VPS13C: variants seen among roughly 807,000 people sequenced by gnomAD.
VPS13C encodes vacuolar protein sorting 13 homolog C, also known as intermembrane lipid transfer protein VPS13C.
VPS13C carries 358 observed loss-of-function variants against 456.8 expected under a neutral mutation model. The observed-to-expected ratio is 0.78, with a 90% CI of 0.72 to 0.86. The LOEUF is 0.86. Among genes scored for constraint, VPS13C ranks in the 40% least tolerant of loss-of-function variants. The probability of loss-of-function intolerance (pLI) is 0.00; values close to 1 mark genes in which losing one functional copy is unlikely to be tolerated. For synonymous variants in VPS13C, 1,578 were observed against 1,486.7 expected, an observed-to-expected ratio of 1.06 and a Z score of -1.41; for missense variants, 4,818 against 4,385.4, an observed-to-expected ratio of 1.10 and a Z score of -2.79.
chr15:61,916,200 G>A (rs150016655), intron 60 of VPS13C, among the ~76,000 whole-genome samples, 178 bp from the exon 61 acceptor site: 1,792 of 152,198 alleles, frequency 0.012, 38 homozygotes, highest in African/African-American at 0.041. Context: ...AAAAGAAAAC[G>A]CTACACCATA....
intron 49 of VPS13C, 100 bp downstream of exon 49, chr15:61,934,119 A>G (rs2044147778): frequency 1.6e-6 from 1 of 638,398 alleles, no homozygotes; most frequent in East Asian, 3.0e-5. Context: ...GACATATTAA[A>G]TGTTTTAATG....
chr15:62,023,090 C>G, intron 8 of VPS13C, among the ~76,000 whole-genome samples: 1 of 151,828 alleles, frequency 6.6e-6, no homozygotes, highest in East Asian at 1.9e-4. Context: ...ACTCTTTTGT[C>G]AGCATAAAGC....
At chr15:62,014,147 GAC>G (rs1261368362) in intron 9 of VPS13C, among the ~76,000 whole-genome samples, 155 bp from the exon 10 acceptor site, 1 of 150,382 alleles carries the variant, frequency 6.6e-6, no homozygotes, top group Non-Finnish European at 1.5e-5. Flanking sequence ...ATATTTATAA[GAC>G]AAAATCAAAG....
At chr15:61,881,440 T>G in intron 71 of VPS13C, 123 bp downstream of exon 71, 1 of 951,054 alleles carries the variant, frequency 1.1e-6, no homozygotes, top group Middle Eastern at 3.4e-4. Context: ...CAAAAGTGAA[T>G]TAATAGGTTC....
rs747023030 is a variant in VPS13C at position 61,917,425 on chromosome 15, G to C, written c.7971C>G (p.Asp2657Glu). The C allele has an allele frequency of 6.2e-7, 1 of 1,613,976 alleles. No individual in the cohort carries two copies. Among genetic ancestry groups the C allele is most frequent in the Admixed American group, 1.7e-5 (1 of 60,018 alleles). ...GATGAATAATGTAAGCTACATCCCA[G>C]TCTTCCCCATGTGTACATATGTAGC... ...ELSYICTHGEDWDVAYIIHLY... is the reference protein window; with the variant it reads ...ELSYICTHGEEWDVAYIIHLY... Residue 2657 changes from aspartate to glutamate, a missense_variant, in exon 60 of 85, where the codon GAC (aspartate) becomes GAG (glutamate). Coordinates refer to ENST00000644861, the MANE Select transcript of VPS13C (RefSeq NM_020821.3).
intron 8 of VPS13C, among the ~76,000 whole-genome samples, chr15:62,022,413 G>A (rs569674107): frequency 1.3e-5 from 2 of 151,902 alleles, no homozygotes; most frequent in Admixed American, 6.6e-5. Flanking sequence ...CACTTTTCTC[G>A]ACATAGGATT....
chr15:61,904,996 AACAAGAGAAGTTGGTTAATGGGT>A (rs2043113606), intron 66 of VPS13C, among the ~76,000 whole-genome samples: 1 of 152,096 alleles, frequency 6.6e-6, no homozygotes, highest in African/African-American at 2.4e-5. Flanking sequence ...GATTGGAGGG[AACAAGAGAAGTTGGTTAATGGGT>A]ACAAAAATAT....
At chr15:61,942,124 A>C in intron 45 of VPS13C, 57 bp from the exon 46 acceptor site, 1 of 1,453,674 alleles carries the variant, frequency 6.9e-7, no homozygotes, top group Non-Finnish European at 9.2e-7. Flanking sequence ...AAAAGAAAAA[A>C]CTTTAAAAAG....
chr15:61,884,049 T>G (rs1275232257), intron 68 of VPS13C, 79 bp downstream of exon 68: 17 of 1,327,918 alleles, frequency 1.3e-5, no homozygotes, highest in East Asian at 7.1e-5. Context: ...ATGTCTTTAC[T>G]TGGGCATTAC....
At chr15:61,930,608 A>C (rs180862116) in intron 50 of VPS13C, among the ~76,000 whole-genome samples, 2 of 152,358 alleles carry the variant, frequency 1.3e-5, no homozygotes, top group African/African-American at 4.8e-5. Flanking sequence ...AGAATGAGCT[A>C]ATATAACTCA....
intron 83 of VPS13C, 148 bp from the exon 84 acceptor site, chr15:61,855,102 C>T (rs1234151704): frequency 1.5e-5 from 10 of 650,424 alleles, no homozygotes; most frequent in Non-Finnish European, 2.3e-5. Flanking sequence ...TGAAATAAAT[C>T]ATCTTGGAAC....
Position 61,883,582 on chromosome 15 carries a change from A to T in VPS13C, c.9483+546T>A, listed in dbSNP as rs541253545. Reference sequence around the variant, plus strand: ...AGCTTCTGTAGACTTCCTGGAGCACAGGTGACTTTTAGTCTTAACTGTGTA... The same window carrying T: ...AGCTTCTGTAGACTTCCTGGAGCACTGGTGACTTTTAGTCTTAACTGTGTA... On this transcript the variant is annotated intron_variant, in intron 68 of 84. Coordinates refer to ENST00000644861, the MANE Select transcript of VPS13C (RefSeq NM_020821.3). Among the ~76,000 whole-genome samples, 5 of 152,270 alleles carry T rather than the reference A, an allele frequency of 3.3e-5. No homozygotes were observed. The South Asian group carries it at 1.0e-3, about 32-fold the overall frequency.
intron 20 of VPS13C, 118 bp downstream of exon 20, chr15:61,983,702 T>C: frequency 1.7e-6 from 2 of 1,152,160 alleles, no homozygotes; most frequent in Non-Finnish European, 2.4e-6. Flanking sequence ...GAAAAACCTA[T>C]TAGGAAACTT....
At chr15:62,011,547 G>C (rs1192125330) in intron 12 of VPS13C, among the ~76,000 whole-genome samples, 1 of 151,786 alleles carries the variant, frequency 6.6e-6, no homozygotes, top group Admixed American at 6.6e-5. Context: ...TCATAAAGGG[G>C]TATACTAATA....
rs2044444816 is a variant in VPS13C at position 61,942,040 on chromosome 15, T to G, written c.5176A>C (p.Lys1726Gln). 1 of 1,592,298 alleles carries G rather than the reference T, an allele frequency of 6.3e-7. No individual in the cohort carries two copies. Among genetic ancestry groups the G allele is most frequent in the Admixed American group, 1.7e-5 (1 of 59,212 alleles). Residue 1726 changes from lysine to glutamine, a missense_variant, in exon 46 of 85, where the codon AAA (lysine) becomes CAA (glutamine). By Grantham distance (53) the Lys-to-Gln change is moderately conservative (BLOSUM62 1). Transcript: ENST00000644861. ...LNFLNNFQTA[K>Q]EALSTATVQA... ...ACTGTGGCTGTACTCAAAGCTTCTT[T>G]AGCAGTTTGGAAATTGTTGAGGAAG...
intron 9 of VPS13C, among the ~76,000 whole-genome samples, chr15:62,020,021 A>C (rs1045083284): frequency 6.6e-6 from 1 of 151,286 alleles, no homozygotes; most frequent in African/African-American, 2.4e-5. Flanking sequence ...ACTGTTAAAG[A>C]CCATTAAAAG....
Position 61,867,055 on chromosome 15 carries a change from T to C in VPS13C, c.10863+1604A>G. The C allele has an allele frequency of 1.1e-6, 1 of 922,478 alleles. No homozygotes were observed. Among genetic ancestry groups the C allele is most frequent in the Non-Finnish European group, 1.3e-6 (1 of 772,372 alleles). The allele number at this position is 922,478 out of a possible 1,614,324, so 57.1% of individuals were successfully genotyped here. A position where few individuals can be genotyped will look rare whatever the true frequency, so the allele number is the denominator to read the frequency against. ...CTAATTTCAAAAATAATGATTATAA[T>C]TATTTTTTCTCTAAGATAATAAACC... On this transcript the variant is annotated intron_variant, in intron 81 of 84. Transcript: ENST00000644861. The surrounding 1 kb of genome is among the most constrained non-coding windows in gnomAD (Gnocchi z 5.0).
intron 83 of VPS13C, 35 bp downstream of exon 83, chr15:61,856,251 A>T: frequency 6.2e-7 from 1 of 1,608,776 alleles, no homozygotes; most frequent in Non-Finnish European, 8.5e-7. Context: ...AAAGCAATGA[A>T]CTCTTAGCTC....
intron 23 of VPS13C, among the ~76,000 whole-genome samples, chr15:61,977,454 A>T (rs991058368): frequency 6.6e-6 from 1 of 152,026 alleles, no homozygotes; most frequent in African/African-American, 2.4e-5. Context: ...GAATGTTCAC[A>T]TAACATCTTG....
Sources: allele counts gnomAD v4.1 joint callset (sites outside exome capture counted in the v4.1 genomes callset), GRCh38; gene constraint gnomAD v4.1.1; non-coding constraint Gnocchi (gnomAD v3.1); transcripts MANE v1.5; gene names NCBI Gene and HGNC (gene_info 2026-07-23, HGNC 2026-07-21).